Variants in RGSL1 observed in about 807,000 individuals in gnomAD.
RGSL1 encodes regulator of G protein signaling like 1.
Under a neutral mutation model 124.7 loss-of-function variants are expected in RGSL1, and 97 were observed. That is an observed-to-expected ratio of 0.78 (90% confidence interval 0.66 to 0.92). RGSL1 has a LOEUF of 0.92. Among genes scored for constraint, RGSL1 ranks in the 40% least tolerant of loss-of-function variants. The pLI, the probability that RGSL1 is intolerant of heterozygous loss-of-function variation, is 0.00. For missense variants in RGSL1, 1,233 were observed against 1,288.4 expected, an observed-to-expected ratio of 0.96 and a Z score of 0.66; for synonymous variants, 424 against 438.1, an observed-to-expected ratio of 0.97 and a Z score of 0.40.
intron 11 of RGSL1, among the ~76,000 whole-genome samples, 180 bp from the exon 12 acceptor site, chr1:182,530,064 A>G (rs747778142): frequency 6.6e-6 from 1 of 152,180 alleles, no homozygotes; most frequent in Non-Finnish European, 1.5e-5. Context: ...ATGCATTTGT[A>G]CATAGCATTT....
At chr1:182,554,544 A>G (rs1470786423) in intron 19 of RGSL1, 83 bp from the exon 20 acceptor site, 11 of 1,218,754 alleles carry the variant, frequency 9.0e-6, no homozygotes, top group African/African-American at 1.5e-5. Context: ...CCCACCCAGC[A>G]TGGTCCTCCA....
chr1:182,462,648 A>C (rs2102003814), intron 4 of RGSL1, among the ~76,000 whole-genome samples: 1 of 152,334 alleles, frequency 6.6e-6, no homozygotes, highest in South Asian at 2.1e-4. Flanking sequence ...ATGCACATTA[A>C]TTAATTATTA....
At chr1:182,481,279 T>C (rs1654688053) in intron 6 of RGSL1, among the ~76,000 whole-genome samples, 2 of 152,082 alleles carry the variant, frequency 1.3e-5, no homozygotes. Context: ...CAATTTATTC[T>C]CACAGAAATA....
intron 3 of RGSL1, among the ~76,000 whole-genome samples, chr1:182,459,436 A>C (rs1424660144): frequency 9.9e-5 from 15 of 152,176 alleles, no homozygotes; most frequent in Admixed American, 9.8e-4. Flanking sequence ...GAGAAGAGAC[A>C]TTCTATTCTG....
At chr1:182,498,504 C>A (rs945132777) in intron 9 of RGSL1, among the ~76,000 whole-genome samples, 2 of 152,086 alleles carry the variant, frequency 1.3e-5, no homozygotes, top group African/African-American at 4.8e-5. Context: ...TGTGTGTGTC[C>A]CAGAGATTCT....
At chr1:182,527,550 T>C in intron 10 of RGSL1, 29 bp from the exon 11 acceptor site, 2 of 1,517,704 alleles carry the variant, frequency 1.3e-6, no homozygotes, top group Non-Finnish European at 1.8e-6. Context: ...TTCCTTTCTC[T>C]CTACCAAAGA....
At chr1:182,522,612 G>A (rs904502740) in intron 10 of RGSL1, among the ~76,000 whole-genome samples, 10 of 152,032 alleles carry the variant, frequency 6.6e-5, no homozygotes, top group African/African-American at 1.9e-4. Context: ...AATACTCTGT[G>A]GCCTTTTCTT....
intron 2 of RGSL1, among the ~76,000 whole-genome samples, chr1:182,455,504 C>T (rs1652238258): frequency 1.3e-5 from 2 of 151,986 alleles, no homozygotes; most frequent in South Asian, 4.2e-4. Flanking sequence ...ATCACTTGAG[C>T]CCAGGAGGCG....
chr1:182,527,551 C>T (rs1238876248), intron 10 of RGSL1, 28 bp from the exon 11 acceptor site: 5 of 1,519,848 alleles, frequency 3.3e-6, no homozygotes, highest in Non-Finnish European at 4.4e-6. Flanking sequence ...TCCTTTCTCT[C>T]TACCAAAGAT....
At chr1:182,558,903 T>C (rs1463889285) in intron 21 of RGSL1, among the ~76,000 whole-genome samples, 1 of 152,156 alleles carries the variant, frequency 6.6e-6, no homozygotes, top group African/African-American at 2.4e-5. Context: ...TCACAGATTC[T>C]AGAGTTTAGA....
At chr1:182,490,917 T>TC (rs1013147172) in intron 8 of RGSL1, among the ~76,000 whole-genome samples, 1 of 144,652 alleles carries the variant, frequency 6.9e-6, no homozygotes, top group Non-Finnish European at 1.6e-5. Context: ...AACATTATCT[T>TC]TTTTTTTTTT....
intron 15 of RGSL1, among the ~76,000 whole-genome samples, chr1:182,541,925 T>G (rs539282042): frequency 9.9e-5 from 15 of 152,272 alleles, no homozygotes; most frequent in African/African-American, 3.4e-4. Context: ...AATCAGATTA[T>G]TTGGGTTTTT....
chr1:182,450,218 C>A (rs1173859412), intron 1 of RGSL1, 40 bp downstream of exon 1: 14 of 1,551,114 alleles, frequency 9.0e-6, no homozygotes, highest in Non-Finnish European at 1.2e-5. Flanking sequence ...CCTTGAGTCT[C>A]TCAAATAAGG....
At chr1:182,470,406 T>C (rs1181768975) in intron 4 of RGSL1, among the ~76,000 whole-genome samples, 1 of 152,080 alleles carries the variant, frequency 6.6e-6, no homozygotes, top group Non-Finnish European at 1.5e-5. Flanking sequence ...TCCAGTCACA[T>C]TGGCCTCCTT....
At chr1:182,513,950 A>G (rs564303003) in intron 9 of RGSL1, among the ~76,000 whole-genome samples, 3 of 150,286 alleles carry the variant, frequency 2.0e-5, no homozygotes, top group East Asian at 2.0e-4. Context: ...TGAGAGTGCA[A>G]TGGTGTGATC....
In RGSL1 at chr1:182,527,594, C is replaced by G. The variant is rs1279932081; in HGVS notation, c.1947C>G (p.Val649=). Residue 649 remains valine (V), a synonymous_variant, in exon 11 of 22, where the codon GTC becomes GTG. Transcript: ENST00000294854. ...TGTTTTCCAGAAACTTGACAGAAGT[C>G]CTCTTAAATACACAGCACTTGGAGT... is the stretch of plus-strand genomic sequence containing the variant. ...PSMRPRNLTE[V]LLNTQHLEFF... The G allele has an allele frequency of 6.5e-7, 1 of 1,544,380 alleles. No homozygotes were observed. Among genetic ancestry groups the G allele is most frequent in the South Asian group, 1.2e-5 (1 of 82,150 alleles).
At chr1:182,541,916 A>T (rs1044683342) in intron 15 of RGSL1, among the ~76,000 whole-genome samples, 1 of 152,160 alleles carries the variant, frequency 6.6e-6, no homozygotes, top group Non-Finnish European at 1.5e-5. Flanking sequence ...ACTTTAAAAA[A>T]TCAGATTATT....
At chr1:182,520,956 C>T (rs1443032670) in intron 9 of RGSL1, among the ~76,000 whole-genome samples, 1 of 152,156 alleles carries the variant, frequency 6.6e-6, no homozygotes, top group Non-Finnish European at 1.5e-5. Flanking sequence ...ACCATCTCTG[C>T]CCTTGATGAG....
intron 9 of RGSL1, among the ~76,000 whole-genome samples, chr1:182,497,578 G>A (rs1478122126): frequency 6.6e-6 from 1 of 151,682 alleles, no homozygotes; most frequent in East Asian, 1.9e-4. Flanking sequence ...AACAAACAAG[G>A]ACATTCTCCC....
Sources: allele counts gnomAD v4.1 joint callset (sites outside exome capture counted in the v4.1 genomes callset), GRCh38; gene constraint gnomAD v4.1.1; transcripts MANE v1.5; gene names NCBI Gene and HGNC (gene_info 2026-07-23, HGNC 2026-07-21).